CRISP2: variants seen among roughly 807,000 people sequenced by gnomAD.
The protein encoded by CRISP2 is cysteine-rich secretory protein 2.
A neutral mutation model predicts 31.7 loss-of-function variants in CRISP2; 29 were observed. The observed-to-expected ratio is 0.92, with a 90% CI of 0.68 to 1.25. CRISP2 has a LOEUF of 1.25. CRISP2 is among the 50% of genes most tolerant of loss of function. The probability of loss-of-function intolerance (pLI) is 0.00; values close to 1 mark genes in which losing one functional copy is unlikely to be tolerated. For synonymous variants in CRISP2, 111 were observed against 101.4 expected, an observed-to-expected ratio of 1.09 and a Z score of -0.57; for missense variants, 318 against 286.5, an observed-to-expected ratio of 1.11 and a Z score of -0.79.
intron 8 of CRISP2, among the ~76,000 whole-genome samples, chr6:49,697,408 GT>G (rs1554133943): frequency 3.0e-4 from 1 of 3,356 alleles, no homozygotes; most frequent in Non-Finnish European, 5.0e-4. Flanking sequence ...GTGTGTGGTG[GT>G]GTGTGTGTGT....
Position 49,697,913 on chromosome 6 carries a change from G to A in CRISP2, c.462C>T (p.Tyr154=). The change falls in exon 8 of 10, where the codon TAC becomes TAT. Residue 154 remains tyrosine (Y), a synonymous_variant. Transcript: ENST00000339139. ...ATTTTAGACTATCTTGATTGGGACA[G>A]TAGGCAATTCCACAGCCTACCTGGT... ...STYQVGCGIA[Y]CPNQDSLKYY... 1 of 1,610,730 alleles carries A rather than the reference G, an allele frequency of 6.2e-7. No homozygotes were observed. Among genetic ancestry groups the A allele is most frequent in the Non-Finnish European group, 8.5e-7 (1 of 1,178,460 alleles).
intron 4 of CRISP2, among the ~76,000 whole-genome samples, chr6:49,704,189 AT>A (rs1766593990): frequency 6.6e-6 from 1 of 151,890 alleles, no homozygotes; most frequent in Non-Finnish European, 1.5e-5. Flanking sequence ...AGTGTGTCTC[AT>A]TTCCAGGAGT....
chr6:49,683,610 G>C, the CRISP2 span, among the ~76,000 whole-genome samples: 2 of 139,340 alleles, frequency 1.4e-5, no homozygotes, highest in Admixed American at 1.5e-4. Flanking sequence ...GTTGCAGTGA[G>C]CCGAGATCAT....
chr6:49,692,977 G>A (rs1271763385), intron 9 of CRISP2, 77 bp from the exon 10 acceptor site: 2 of 1,459,670 alleles, frequency 1.4e-6, no homozygotes, highest in South Asian at 1.2e-5. Context: ...AAGTGTGTGG[G>A]GAGGGGGTAG....
chr6:49,692,970 T>G, intron 9 of CRISP2, 70 bp from the exon 10 acceptor site: 1 of 1,556,056 alleles, frequency 6.4e-7, no homozygotes, highest in Non-Finnish European at 8.8e-7. Context: ...ACATTCAAAG[T>G]GTGTGGGGAG....
At chr6:49,690,955 GTT>G (rs572745952), downstream of CRISP2, among the ~76,000 whole-genome samples, 4 of 144,424 alleles carry the variant, frequency 2.8e-5, no homozygotes, top group Admixed American at 7.0e-5. Context: ...GGTATAGAGG[GTT>G]TTTTTTTTTA....
chr6:49,698,630 T>C, intron 6 of CRISP2, 123 bp from the exon 7 acceptor site: 1 of 962,226 alleles, frequency 1.0e-6, no homozygotes, highest in Non-Finnish European at 1.5e-6. Context: ...TGTTGATTAA[T>C]ACATAAAGGA....
At chr6:49,696,131 T>C (rs1035543230) in intron 8 of CRISP2, among the ~76,000 whole-genome samples, 3 of 152,162 alleles carry the variant, frequency 2.0e-5, no homozygotes, top group African/African-American at 7.2e-5. Context: ...TGACCATAAT[T>C]TCACAGGCTG....
At chr6:49,703,955 AC>A (rs1159423643) in intron 4 of CRISP2, among the ~76,000 whole-genome samples, 1 of 152,026 alleles carries the variant, frequency 6.6e-6, no homozygotes, top group Non-Finnish European at 1.5e-5. Flanking sequence ...AGTTTTCCAA[AC>A]TTTTAGATGT....
chr6:49,682,579 TTCTTTCTTTTTC>T, the CRISP2 span, among the ~76,000 whole-genome samples: 1 of 85,732 alleles, frequency 1.2e-5, no homozygotes, highest in African/African-American at 4.9e-5. Flanking sequence ...TTCTTTTTCT[TTCTTTCTTTTTC>T]TTTCTTTCTT....
chr6:49,703,455 G>A (rs1441135380), intron 4 of CRISP2, among the ~76,000 whole-genome samples: 1 of 152,136 alleles, frequency 6.6e-6, no homozygotes, highest in African/African-American at 2.4e-5. Flanking sequence ...CCATAAGCAT[G>A]GGATGTGTTT....
At chr6:49,709,396 A>T (rs1287300402) in intron 3 of CRISP2, among the ~76,000 whole-genome samples, 191 bp from the exon 4 acceptor site, 1 of 152,198 alleles carries the variant, frequency 6.6e-6, no homozygotes, top group Non-Finnish European at 1.5e-5. Flanking sequence ...TGTCTTTGAT[A>T]GTGACAATAA....
chr6:49,692,961 C>A, intron 9 of CRISP2, 61 bp from the exon 10 acceptor site: 1 of 1,580,966 alleles, frequency 6.3e-7, no homozygotes, highest in South Asian at 1.1e-5. Context: ...CAAAACCATA[C>A]ATTCAAAGTG....
chr6:49,699,440 T>G (rs1336121937), intron 6 of CRISP2, among the ~76,000 whole-genome samples: 2 of 151,446 alleles, frequency 1.3e-5, no homozygotes, highest in East Asian at 3.9e-4. Context: ...GGGTTAGAAA[T>G]CAGAAAGCTT....
chr6:49,682,585 C>CTT, the CRISP2 span, among the ~76,000 whole-genome samples: 1 of 67,334 alleles, frequency 1.5e-5, no homozygotes, highest in Non-Finnish European at 2.8e-5. Context: ...TTCTTTCTTT[C>CTT]TTTTTCTTTC....
intron 8 of CRISP2, among the ~76,000 whole-genome samples, chr6:49,696,570 T>C (rs567669713): frequency 2.8e-5 from 4 of 143,476 alleles, no homozygotes; most frequent in Non-Finnish European, 4.6e-5. Context: ...TAGTTTTTGT[T>C]ATCCCAGAAC....
At chr6:49,703,665 T>G (rs1766500297) in intron 4 of CRISP2, among the ~76,000 whole-genome samples, 1 of 152,198 alleles carries the variant, frequency 6.6e-6, no homozygotes, top group Non-Finnish European at 1.5e-5. Flanking sequence ...TGTACATTGA[T>G]GGCTAAAGAT....
intron 4 of CRISP2, among the ~76,000 whole-genome samples, chr6:49,706,026 T>G (rs552530204): frequency 6.6e-6 from 1 of 152,362 alleles, no homozygotes; most frequent in East Asian, 1.9e-4. Flanking sequence ...TTTATCCAAG[T>G]GGCAACTGCA....
chr6:49,692,048 T>C (rs1764080081), downstream of CRISP2, among the ~76,000 whole-genome samples: 1 of 152,130 alleles, frequency 6.6e-6, no homozygotes. Flanking sequence ...GCTGTATTTG[T>C]ATATTTGGTT....
Sources: allele counts gnomAD v4.1 joint callset (sites outside exome capture counted in the v4.1 genomes callset), GRCh38; gene constraint gnomAD v4.1.1; transcripts MANE v1.5; gene names NCBI Gene and HGNC (gene_info 2026-07-23, HGNC 2026-07-21).